The following KCTD16 variants were observed in gnomAD, a reference collection of about 807,000 sequenced individuals.
KCTD16 encodes potassium channel tetramerization domain containing 16, also known as BTB/POZ domain-containing protein KCTD16.
A neutral mutation model predicts 33.2 loss-of-function variants in KCTD16; 13 were observed. That is an observed-to-expected ratio of 0.39 (90% CI 0.25 to 0.62). KCTD16 has a LOEUF of 0.62. Among genes scored for constraint, KCTD16 ranks in the 20% least tolerant of loss-of-function variants. The pLI is 0.50. For missense variants in KCTD16, 441 were observed against 525.1 expected (o/e 0.84, Z 1.57); for synonymous variants, 197 against 195.3 (o/e 1.01, Z -0.07).
intron 3 of KCTD16, among the ~76,000 whole-genome samples, chr5:144,435,843 ATGTG>A (rs56722254): frequency 2.1e-5 from 3 of 144,126 alleles, no homozygotes; most frequent in East Asian, 2.0e-4. Context: ...GTGTGTGTGT[ATGTG>A]TGTGTGTGTG....
chr5:144,212,564 T>G (rs1389286969), intron 3 of KCTD16, among the ~76,000 whole-genome samples: 2 of 152,108 alleles, frequency 1.3e-5, no homozygotes, highest in African/African-American at 4.8e-5. Flanking sequence ...TGGAAGTAGC[T>G]GAGAATGTGC....
intron 3 of KCTD16, among the ~76,000 whole-genome samples, chr5:144,218,238 C>T (rs1185596042): frequency 6.6e-6 from 1 of 152,086 alleles, no homozygotes; most frequent in Admixed American, 6.5e-5. Flanking sequence ...AAATTTCAAT[C>T]TAGTGTGATG....
At chr5:144,452,165 T>TATATATATATATATATATATATATA (rs1561613198) in intron 3 of KCTD16, among the ~76,000 whole-genome samples, 10 of 148,246 alleles carry the variant, frequency 6.7e-5, no homozygotes, top group African/African-American at 2.5e-4. Context: ...TATATATATA[T>TATATATATATATATATATATATATA]TCCTGTCACT....
chr5:144,468,441 A>G (rs930926892), intron 3 of KCTD16, among the ~76,000 whole-genome samples: 2 of 152,190 alleles, frequency 1.3e-5, no homozygotes, highest in Middle Eastern at 3.2e-3. Flanking sequence ...CCATCTCTCA[A>G]TAGAAGCCCC....
intron 3 of KCTD16, among the ~76,000 whole-genome samples, chr5:144,299,132 ATATATATATATATATATTTTTTT>A (rs1751330503): frequency 3.5e-5 from 1 of 28,650 alleles, no homozygotes; most frequent in African/African-American, 3.8e-4. Context: ...ATATATATAT[ATATATATATATATATATTTTTTT>A]TTTTTTTTTT....
intron 3 of KCTD16, among the ~76,000 whole-genome samples, chr5:144,259,257 CAAAAAA>C (rs1166248798): frequency 2.1e-5 from 1 of 48,386 alleles, no homozygotes; most frequent in Admixed American, 2.4e-4. Context: ...GACTCCATCT[CAAAAAA>C]AAAAAAAAAA....
intron 2 of KCTD16, among the ~76,000 whole-genome samples, chr5:144,181,397 T>TA (rs1752623333): frequency 6.6e-6 from 1 of 152,254 alleles, no homozygotes; most frequent in Non-Finnish European, 1.5e-5. Context: ...TAGCAGTATC[T>TA]ACACAGCAAT....
chr5:144,280,918 G>A (rs899450839), intron 3 of KCTD16, among the ~76,000 whole-genome samples: 11 of 150,502 alleles, frequency 7.3e-5, no homozygotes, highest in Admixed American at 6.0e-4. Flanking sequence ...AGCCGGGCGT[G>A]GTGGTGGGAG....
intron 3 of KCTD16, among the ~76,000 whole-genome samples, chr5:144,302,647 C>T (rs767846159): frequency 1.3e-5 from 2 of 152,126 alleles, no homozygotes; most frequent in Non-Finnish European, 2.9e-5. Context: ...TATTATCGTA[C>T]GTCAAATACA....
At chr5:144,403,954 G>A (rs1265601646) in intron 3 of KCTD16, among the ~76,000 whole-genome samples, 1 of 152,172 alleles carries the variant, frequency 6.6e-6, no homozygotes. Context: ...GGAGGGGCTG[G>A]CAATAATATG....
chr5:144,473,543 A>G (rs1207410620), intron 3 of KCTD16, 117 bp from the exon 4 acceptor site: 2 of 1,093,652 alleles, frequency 1.8e-6, no homozygotes, highest in East Asian at 4.9e-5. Flanking sequence ...CTTTTTCTAA[A>G]AGCATGGTTC....
intron 3 of KCTD16, among the ~76,000 whole-genome samples, chr5:144,371,425 A>G (rs1342812294): frequency 3.3e-5 from 5 of 152,132 alleles, no homozygotes; most frequent in Admixed American, 6.6e-5. Flanking sequence ...TGAGAGCCAA[A>G]CATTAACTTA....
intron 3 of KCTD16, among the ~76,000 whole-genome samples, chr5:144,467,333 A>C (rs960427682): frequency 1.3e-5 from 2 of 151,812 alleles, no homozygotes; most frequent in African/African-American, 4.8e-5. Flanking sequence ...ACACATTCAC[A>C]CACTCTAACT....
chr5:144,381,578 C>G (rs1406681730), intron 3 of KCTD16, among the ~76,000 whole-genome samples: 3 of 151,960 alleles, frequency 2.0e-5, no homozygotes, highest in African/African-American at 7.3e-5. Flanking sequence ...ATGGCAAAAG[C>G]AGAAGCAAGT....
chr5:144,384,174 G>A, intron 3 of KCTD16: 1 of 152,202 alleles, frequency 6.6e-6, no homozygotes, highest in South Asian at 2.1e-4. Flanking sequence ...CTCTCATGCA[G>A]ATCAGGTAGC....
chr5:144,382,003 AAAG>A (rs1214975541), intron 3 of KCTD16, among the ~76,000 whole-genome samples: 1 of 125,904 alleles, frequency 7.9e-6, no homozygotes, highest in Non-Finnish European at 1.6e-5. Context: ...GGACTGGATG[AAAG>A]AAGATGTTTA....
At chr5:144,306,122 T>C (rs1751598634) in intron 3 of KCTD16, among the ~76,000 whole-genome samples, 1 of 152,252 alleles carries the variant, frequency 6.6e-6, no homozygotes, top group Non-Finnish European at 1.5e-5. Flanking sequence ...CAATAGTTGA[T>C]GATTACACAG....
intron 3 of KCTD16, among the ~76,000 whole-genome samples, chr5:144,420,309 G>A (rs1217556704): frequency 6.6e-6 from 1 of 152,070 alleles, no homozygotes; most frequent in Non-Finnish European, 1.5e-5. Context: ...AGAGGAAAGA[G>A]GCAGATTATG....
chr5:144,345,580 G>A (rs1182941570), intron 3 of KCTD16, among the ~76,000 whole-genome samples: 1 of 152,028 alleles, frequency 6.6e-6, no homozygotes, highest in African/African-American at 2.4e-5. Flanking sequence ...TATTTACCGA[G>A]TACCTATCTA....
Sources: allele counts gnomAD v4.1 joint callset (sites outside exome capture counted in the v4.1 genomes callset), GRCh38; gene constraint gnomAD v4.1.1; transcripts MANE v1.5; gene names NCBI Gene and HGNC (gene_info 2026-07-23, HGNC 2026-07-21).